NBAS: variants seen among roughly 807,000 people sequenced by gnomAD.
NBAS encodes NAG/BC035112 fusion.
NBAS carries 219 observed loss-of-function variants against 302.5 expected under a neutral mutation model. The ratio of observed to expected loss-of-function variants is 0.72; its 90% CI spans 0.65 to 0.81. NBAS has a LOEUF of 0.81. NBAS is among the 30% of genes least tolerant of loss of function. The pLI, the probability that NBAS is intolerant of heterozygous loss-of-function variation, is 0.00. For missense variants in NBAS, 2,932 were observed against 2,841.6 expected (o/e 1.03, Z -0.72); for synonymous variants, 1,118 against 1,021.6 (o/e 1.09, Z -1.80).
chr2:14,822,582 T>C, the NBAS span, among the ~76,000 whole-genome samples: 2 of 152,136 alleles, frequency 1.3e-5, no homozygotes, highest in African/African-American at 4.8e-5. Context: ...CAACCCACTA[T>C]CTTATTTATA....
chr2:15,360,330 T>TAAA (rs551926742), intron 32 of NBAS, among the ~76,000 whole-genome samples: 9 of 92,982 alleles, frequency 9.7e-5, no homozygotes, highest in Non-Finnish European at 2.3e-4. Context: ...TACCATAACT[T>TAAA]AAAAAAAAAA....
chr2:15,483,376 G>A, intron 12 of NBAS: 1 of 427,856 alleles, frequency 2.3e-6, no homozygotes, highest in Non-Finnish European at 4.8e-6. Context: ...CACCTACTAT[G>A]TGTGAAAAAG....
intron 11 of NBAS, among the ~76,000 whole-genome samples, chr2:15,501,621 G>A (rs1347546528): frequency 2.4e-5 from 3 of 122,588 alleles, no homozygotes; most frequent in African/African-American, 6.1e-5. Context: ...ACGGAGTCTC[G>A]CTCTGTCGCC....
chr2:15,152,783 G>A, the NBAS span, among the ~76,000 whole-genome samples: 1 of 152,204 alleles, frequency 6.6e-6, no homozygotes, highest in African/African-American at 2.4e-5. Flanking sequence ...GGTTATATTT[G>A]CAGCAAGAAG....
chr2:15,166,437 A>G (rs145134305), downstream of NBAS, among the ~76,000 whole-genome samples: 1 of 152,322 alleles, frequency 6.6e-6, no homozygotes, highest in East Asian at 1.9e-4. Context: ...CATAATTCAT[A>G]TACTGTGACA....
the NBAS span, among the ~76,000 whole-genome samples, chr2:14,923,765 C>A: frequency 0.27 from 40,926 of 151,952 alleles, 5,574 homozygotes; most frequent in African/African-American, 0.33. Context: ...GGCTGAGGTA[C>A]CCCCACCCAC....
rs74898089 is a variant in NBAS at position 15,439,305 on chromosome 2, T to TAAAAA, written c.2340-11516_2340-11512dup. ...CCAAAGAGCAAGACTCGGTCTCAAA[T>TAAAAA]AAAAAAAAAAAAAAAAAAAAGAATA... On this transcript the variant is annotated intron_variant, in intron 21 of 51. Transcript: ENST00000281513. Among the ~76,000 whole-genome samples the TAAAAA allele has an allele frequency of 9.6e-3, 711 of 74,076 alleles. 6 individuals are homozygous for TAAAAA. Among genetic ancestry groups the TAAAAA allele is most frequent in the East Asian group, 0.075 (200 of 2,666 alleles). 48.6% of individuals were successfully genotyped at this position (74,076 alleles called of 152,430 possible).
chr2:15,319,916 C>A (rs549069868), intron 38 of NBAS, among the ~76,000 whole-genome samples: 2 of 152,176 alleles, frequency 1.3e-5, no homozygotes, highest in South Asian at 4.2e-4. Flanking sequence ...CATCCTCATA[C>A]CAAAGCCTGG....
At chr2:15,034,235 G>GGAAAGAAA in the NBAS span, among the ~76,000 whole-genome samples, 26 of 81,728 alleles carry the variant, frequency 3.2e-4, no homozygotes, top group African/African-American at 1.1e-3. Flanking sequence ...AAAGAAAGAA[G>GGAAAGAAA]GAAAGAAAGA....
intron 47 of NBAS, among the ~76,000 whole-genome samples, chr2:15,219,492 C>T: frequency 7.5e-6 from 1 of 133,652 alleles, no homozygotes; most frequent in East Asian, 2.1e-4. Flanking sequence ...TGTTTGTGTC[C>T]CTGGGTACTT....
chr2:15,262,174 G>C (rs770157290), intron 44 of NBAS, among the ~76,000 whole-genome samples: 5 of 152,176 alleles, frequency 3.3e-5, no homozygotes, highest in Admixed American at 2.0e-4. Flanking sequence ...ACTCTATCTG[G>C]ATGGATGTGA....
chr2:15,300,881 G>T (rs1670765915), intron 40 of NBAS, among the ~76,000 whole-genome samples: 1 of 152,206 alleles, frequency 6.6e-6, no homozygotes, highest in African/African-American at 2.4e-5. Context: ...AAGTATTTCA[G>T]ATGGGGAACT....
chr2:15,249,145 C>T (rs1349922834), intron 44 of NBAS, among the ~76,000 whole-genome samples: 5 of 152,070 alleles, frequency 3.3e-5, no homozygotes, highest in African/African-American at 4.8e-5. Flanking sequence ...CCCGGGGATG[C>T]GAGGCTGGTT....
the NBAS span, among the ~76,000 whole-genome samples, chr2:14,831,684 C>T: frequency 6.6e-6 from 1 of 152,160 alleles, no homozygotes; most frequent in Non-Finnish European, 1.5e-5. Context: ...TGTAAAGCTG[C>T]TTTCGATGAA....
rs751034426 is a variant in NBAS at position 15,474,053 on chromosome 2, T to C, written c.1599+14A>G. ...ATGACTTCAAACTTGGGTAGTAATATGCTACTCTCTCACCTTCCTCTGATA... is the reference window on the plus strand; with the variant it reads ...ATGACTTCAAACTTGGGTAGTAATACGCTACTCTCTCACCTTCCTCTGATA... On this transcript the variant is annotated intron_variant, in intron 15 of 51. Transcript: ENST00000281513. 3 of 1,614,050 alleles carry C rather than the reference T, an allele frequency of 1.9e-6. No individual in the cohort carries two copies. Among genetic ancestry groups the C allele is most frequent in the Non-Finnish European group, 2.5e-6 (3 of 1,180,044 alleles).
intron 40 of NBAS, among the ~76,000 whole-genome samples, chr2:15,305,783 T>C (rs893976631): frequency 3.9e-5 from 6 of 152,018 alleles, no homozygotes; most frequent in Non-Finnish European, 8.8e-5. Context: ...AATGGACAAA[T>C]ATAGTGGCCT....
intron 12 of NBAS, among the ~76,000 whole-genome samples, chr2:15,479,228 C>T (rs146667486): frequency 6.6e-6 from 1 of 152,040 alleles, no homozygotes; most frequent in Admixed American, 6.6e-5. Flanking sequence ...AAAAAAATTA[C>T]CATAAAAGCC....
chr2:14,895,322 T>A, the NBAS span, among the ~76,000 whole-genome samples: 3 of 152,058 alleles, frequency 2.0e-5, no homozygotes, highest in African/African-American at 7.2e-5. Context: ...CTTATAAAAA[T>A]CCTAGAAGAA....
At position 15,541,933 on chromosome 2, in the gene NBAS, C is replaced by T. The variant is rs369774299; in HGVS notation, c.380-2577G>A. On this transcript the variant is annotated intron_variant, in intron 6 of 51. Coordinates refer to ENST00000281513, the MANE Select transcript of NBAS (RefSeq NM_015909.4). ...GGGTTCAGCCCCCCGCCCGGCCAGC[C>T]GCCCCGTCCGGGAGGGAGGTGGGGG... Among the ~76,000 whole-genome samples the T allele has an allele frequency of 1.3e-3, 84 of 63,540 alleles. 7 individuals carry two copies. The East Asian group carries it at 0.021, about 16-fold the overall frequency. The allele number at this position is 63,540 out of a possible 152,430, so 41.7% of individuals were successfully genotyped here. A position where few individuals can be genotyped will look rare whatever the true frequency, so the allele number is the denominator to read the frequency against.
Sources: allele counts gnomAD v4.1 joint callset (sites outside exome capture counted in the v4.1 genomes callset), GRCh38; gene constraint gnomAD v4.1.1; transcripts MANE v1.5; gene names NCBI Gene and HGNC (gene_info 2026-07-23, HGNC 2026-07-21).